COL4A4: variants seen among roughly 807,000 people sequenced by gnomAD.
COL4A4 encodes the protein collagen type IV alpha 4 chain.
A neutral mutation model predicts 192.9 loss-of-function variants in COL4A4; 105 were observed. The ratio of observed to expected loss-of-function variants is 0.54; its 90% CI spans 0.46 to 0.64. COL4A4 has a LOEUF of 0.64. Ranked by LOEUF, COL4A4 falls within the 30% of genes least tolerant of loss-of-function variation. The pLI, the probability that COL4A4 is intolerant of heterozygous loss-of-function variation, is 0.00. For synonymous variants in COL4A4, 762 were observed against 769.9 expected, an observed-to-expected ratio of 0.99 and a Z score of 0.17; for missense variants, 1,967 against 2,169.3, an observed-to-expected ratio of 0.91 and a Z score of 1.85.
Position 227,052,368 on chromosome 2 carries a change from A to C in COL4A4, c.2905T>G (p.Ser969Ala). Residue 969 changes from serine (S) to alanine (A), a missense_variant, in exon 32 of 48, where the codon TCA becomes GCA. Physicochemically the swap from Ser to Ala is moderately conservative, Grantham distance 99. Coordinates refer to ENST00000396625, the MANE Select transcript of COL4A4 (RefSeq NM_000092.5). ...PGDEGEMAII[S>A]QKGTPGEPGP... ...GGTTCCCCAGGTGTTCCCTTTTGTG[A>C]AATGATAGCCATTTCTCCTTCATCT... is the stretch of plus-strand genomic sequence containing the variant. 6.2e-7 allele frequency: 1 copy of C among 1,613,544 alleles called. No homozygotes were observed. The highest frequency in any genetic ancestry group is 1.1e-5 in the South Asian group (1 of 91,072).
At chr2:227,091,087 C>T (rs924139433) in intron 20 of COL4A4, among the ~76,000 whole-genome samples, 1 of 151,834 alleles carries the variant, frequency 6.6e-6, no homozygotes, top group African/African-American at 2.4e-5. Flanking sequence ...AGACCCCCTA[C>T]TATCCCCGCC....
chr2:227,153,111 C>T (rs1349779276), intron 1 of COL4A4, among the ~76,000 whole-genome samples: 1 of 152,178 alleles, frequency 6.6e-6, no homozygotes, highest in African/African-American at 2.4e-5. Context: ...TATAAAATCA[C>T]CAGATCTCAT....
intron 23 of COL4A4, among the ~76,000 whole-genome samples, chr2:227,081,629 C>G (rs1036303224): frequency 6.6e-6 from 1 of 152,182 alleles, no homozygotes; most frequent in African/African-American, 2.4e-5. Context: ...AGTCAATTCT[C>G]CTTAATAAAC....
intron 44 of COL4A4, 136 bp from the exon 45 acceptor site, chr2:227,012,433 A>C: frequency 1.4e-6 from 1 of 731,460 alleles, no homozygotes; most frequent in Admixed American, 2.1e-5. Flanking sequence ...CAGCTCATTT[A>C]GTCTTTGCAA....
intron 35 of COL4A4, among the ~76,000 whole-genome samples, chr2:227,046,158 G>A (rs1208815447): frequency 1.3e-5 from 2 of 148,246 alleles, no homozygotes; most frequent in African/African-American, 5.0e-5. Context: ...AAAGAAGGTG[G>A]GAAAGGTAGT....
chr2:227,059,870 C>G (rs751632565), intron 27 of COL4A4, among the ~76,000 whole-genome samples: 17 of 152,046 alleles, frequency 1.1e-4, no homozygotes, highest in Non-Finnish European at 1.5e-4. Context: ...TCTGGCTGGA[C>G]TGAGTAGTTT....
At chr2:227,016,313 A>G (rs1213112391) in intron 44 of COL4A4, among the ~76,000 whole-genome samples, 1 of 152,156 alleles carries the variant, frequency 6.6e-6, no homozygotes, top group African/African-American at 2.4e-5. Context: ...TCATTCACCA[A>G]ATGTTTACCA....
chr2:227,079,983 A>T (rs2059233138), intron 24 of COL4A4, among the ~76,000 whole-genome samples: 1 of 152,200 alleles, frequency 6.6e-6, no homozygotes, highest in South Asian at 2.1e-4. Flanking sequence ...ATTTTCCATC[A>T]GCCAACGCCT....
At chr2:227,164,458 C>A, upstream of COL4A4, 1 of 548,576 alleles carries the variant, frequency 1.8e-6, no homozygotes, top group Non-Finnish European at 3.2e-6. The surrounding 1 kb of genome is among the most constrained non-coding windows in gnomAD (Gnocchi z 4.8). Flanking sequence ...GGGCACGATG[C>A]CCGGGTAGAA....
At chr2:227,074,703 A>G (rs1468155308) in intron 25 of COL4A4, among the ~76,000 whole-genome samples, 22 of 152,202 alleles carry the variant, frequency 1.4e-4, no homozygotes, top group Non-Finnish European at 1.6e-4. Context: ...TACAAAAAAC[A>G]TGGAATACTA....
At chr2:227,119,496 A>G (rs927323412) in intron 6 of COL4A4, among the ~76,000 whole-genome samples, 3 of 148,704 alleles carry the variant, frequency 2.0e-5, no homozygotes, top group Non-Finnish European at 4.5e-5. Context: ...ATAGCTATAT[A>G]TCGTATATAC....
intron 3 of COL4A4, among the ~76,000 whole-genome samples, chr2:227,140,969 A>C (rs1343988801): frequency 6.6e-6 from 1 of 151,832 alleles, no homozygotes; most frequent in African/African-American, 2.4e-5. Context: ...CTAATCACCT[A>C]TATCCAGAGT....
In COL4A4 at chr2:227,093,759, C is replaced by G. The variant is rs538566438; in HGVS notation, c.1369+366G>C. Among the ~76,000 whole-genome samples the G allele has an allele frequency of 3.3e-5, 5 of 152,216 alleles. No individual in the cohort carries two copies. In the South Asian group the frequency reaches 1.0e-3, roughly 32 times the overall value. ...CAGCTCTATGTATGTTAAACGCTTT[C>G]TCTATTGCAATTCCCCTGTCTCGAC... On this transcript the variant is annotated intron_variant, in intron 20 of 47. Transcript: ENST00000396625.
At position 227,031,031 on chromosome 2, in the gene COL4A4, TTGGATGGACAGA is replaced by T. The variant is rs1968240265; in HGVS notation, c.3818-445_3818-434del. Among the ~76,000 whole-genome samples, 3 of 45,462 alleles carry T rather than the reference TTGGATGGACAGA, an allele frequency of 6.6e-5. No homozygotes were observed. In the South Asian group the frequency reaches 2.6e-3, roughly 39 times the overall value. 29.8% of individuals were successfully genotyped at this position (45,462 alleles called of 152,430 possible). On this transcript the variant is annotated intron_variant, in intron 40 of 47. Transcript: ENST00000396625. ...GATGGATGGATATGTGGATAGATGG[TTGGATGGACAGA>T]TGGATGGATGGATGGATGGATGGAT...
chr2:227,007,716 T>C, intron 47 of COL4A4, 128 bp from the exon 48 acceptor site: 1 of 1,314,302 alleles, frequency 7.6e-7, no homozygotes, highest in East Asian at 2.5e-5. Context: ...AAGAACAAAA[T>C]ACAAGCGCTG....
Position 227,114,648 on chromosome 2 carries a change from C to T in COL4A4, c.538G>A (p.Gly180Ser). The change falls in exon 8 of 48, where the codon GGT (glycine) becomes AGT (serine). Residue 180 changes from glycine to serine, a missense_variant. Transcript: ENST00000396625. ...GEKGNSVFILGAVKGIQGDRG... is the reference protein window; with the variant it reads ...GEKGNSVFILSAVKGIQGDRG... Reference sequence around the variant, plus strand: ...CTTACCTGAATACCTTTAACGGCACCTAAAATGAACACTGAATTTCCTTTT... The same window carrying T: ...CTTACCTGAATACCTTTAACGGCACTTAAAATGAACACTGAATTTCCTTTT... 6.2e-7 allele frequency: 1 copy of T among 1,614,022 alleles called. No homozygotes were observed. Among genetic ancestry groups the T allele is most frequent in the Non-Finnish European group, 8.5e-7 (1 of 1,179,940 alleles).
intron 44 of COL4A4, among the ~76,000 whole-genome samples, chr2:227,017,473 T>A (rs761381187): frequency 6.6e-6 from 1 of 152,202 alleles, no homozygotes; most frequent in East Asian, 1.9e-4. Flanking sequence ...AGTGTTGCCT[T>A]GAAGAGAAAC....
At chr2:227,099,808 C>CTTATA (rs149857667) in intron 17 of COL4A4, 119 bp from the exon 18 acceptor site, 42 of 859,964 alleles carry the variant, frequency 4.9e-5, no homozygotes, top group Non-Finnish European at 7.8e-5. Flanking sequence ...AGATTATAGG[C>CTTATA]TGACTAGAGA....
At chr2:227,070,534 C>A (rs1212440316) in intron 25 of COL4A4, among the ~76,000 whole-genome samples, 1 of 152,016 alleles carries the variant, frequency 6.6e-6, no homozygotes, top group East Asian at 1.9e-4. Context: ...GAATACTATG[C>A]AGCCATAAAA....
Sources: gnomAD v4.1 joint callset for allele counts (sites outside exome capture counted in the v4.1 genomes callset) on GRCh38, gnomAD v4.1.1 for gene constraint, Gnocchi (gnomAD v3.1) non-coding constraint, MANE v1.5 for transcripts, NCBI Gene and HGNC (gene_info 2026-07-23, HGNC 2026-07-21) for gene names.